MAP3K20: variants seen among roughly 807,000 people sequenced by gnomAD.
MAP3K20 encodes the protein HCCS-4.
A neutral mutation model predicts 85.7 loss-of-function variants in MAP3K20; 40 were observed. That is an observed-to-expected ratio of 0.47 (90% confidence interval 0.36 to 0.61). The LOEUF is 0.61. MAP3K20 is among the 20% of genes least tolerant of loss of function. The pLI is 0.00. For missense variants in MAP3K20, 817 were observed against 961.7 expected, an observed-to-expected ratio of 0.85 and a Z score of 1.99; for synonymous variants, 325 against 327.7, an observed-to-expected ratio of 0.99 and a Z score of 0.09.
At chr2:173,221,532 A>C (rs1684251175) in intron 11 of MAP3K20, 1 of 1,528,378 alleles carries the variant, frequency 6.5e-7, no homozygotes, top group East Asian at 2.3e-5. Context: ...AGTGAATGAA[A>C]GCAGAAAGCA....
chr2:173,126,392 G>A (rs1688444840), intron 2 of MAP3K20, among the ~76,000 whole-genome samples: 1 of 151,686 alleles, frequency 6.6e-6, no homozygotes, highest in Admixed American at 6.6e-5. Flanking sequence ...TTTTGTTTTT[G>A]TTTTTGAGAC....
chr2:173,202,876 G>A (rs187271130), intron 8 of MAP3K20, among the ~76,000 whole-genome samples: 1 of 152,176 alleles, frequency 6.6e-6, no homozygotes, highest in Non-Finnish European at 1.5e-5. Context: ...TTATTTGGTA[G>A]ATGCATTCTG....
At chr2:173,099,514 A>G (rs949838848) in intron 2 of MAP3K20, among the ~76,000 whole-genome samples, 2 of 150,694 alleles carry the variant, frequency 1.3e-5, no homozygotes, top group African/African-American at 4.9e-5. Context: ...TTATTTTCTG[A>G]CAGGATCTCT....
chr2:173,080,637 G>A (rs79609181), intron 1 of MAP3K20, among the ~76,000 whole-genome samples: 1,834 of 152,288 alleles, frequency 0.012, 23 homozygotes, highest in Middle Eastern at 0.024. Flanking sequence ...TTACATTAGC[G>A]ATTAAGTAAT....
At chr2:173,262,605 GA>G (rs199907423) in intron 18 of MAP3K20, among the ~76,000 whole-genome samples, 96 of 140,782 alleles carry the variant, frequency 6.8e-4, no homozygotes, top group African/African-American at 2.3e-3. Context: ...TCTCAAAAAA[GA>G]AAAAAAAAAA....
chr2:173,227,457 G>A (rs1461653509), intron 11 of MAP3K20, among the ~76,000 whole-genome samples: 4 of 152,112 alleles, frequency 2.6e-5, no homozygotes, highest in Admixed American at 1.3e-4. Flanking sequence ...CTTATCCCCC[G>A]TCTTGCCAAA....
intron 7 of MAP3K20, among the ~76,000 whole-genome samples, chr2:173,194,649 T>C (rs77456961): frequency 0.015 from 2,277 of 152,170 alleles, 21 homozygotes; most frequent in Non-Finnish European, 0.024. Context: ...CCTTTGTCAG[T>C]AGGAGCATTT....
At position 173,198,003 on chromosome 2, in the gene MAP3K20, A is replaced by T; in HGVS notation, c.583-23A>T. 1 of 1,598,128 alleles carries T rather than the reference A, an allele frequency of 6.3e-7. No homozygotes were observed. Among genetic ancestry groups the T allele is most frequent in the Non-Finnish European group, 8.5e-7 (1 of 1,170,972 alleles). On this transcript the variant is annotated intron_variant, in intron 7 of 19. Transcript: ENST00000375213. The surrounding 1 kb of genome is among the most constrained non-coding windows in gnomAD (Gnocchi z 5.8). The stretch of plus-strand genomic sequence containing the variant: ...AAAAATATAAAGTACAAAAATAAAA[A>T]TTCCATTTTCTTTTTGTTCCAGGTT...
At chr2:173,252,267 A>G (rs1406524329) in intron 16 of MAP3K20, among the ~76,000 whole-genome samples, 2 of 152,352 alleles carry the variant, frequency 1.3e-5, no homozygotes, top group African/African-American at 4.8e-5. Context: ...ACAAAGAGAT[A>G]CTTAATTTAG....
intron 1 of MAP3K20, among the ~76,000 whole-genome samples, chr2:173,090,352 T>TA (rs1487250038): frequency 6.6e-6 from 1 of 152,216 alleles, no homozygotes; most frequent in Non-Finnish European, 1.5e-5. Flanking sequence ...TTCGATGACT[T>TA]AATATATTGT....
At chr2:173,089,456 T>G (rs1687230990) in intron 1 of MAP3K20, among the ~76,000 whole-genome samples, 1 of 152,208 alleles carries the variant, frequency 6.6e-6, no homozygotes, top group South Asian at 2.1e-4. Flanking sequence ...ATACCATTAT[T>G]TGCCATGGAT....
At chr2:173,191,864 G>C (rs1382117299) in intron 7 of MAP3K20, among the ~76,000 whole-genome samples, 1 of 152,210 alleles carries the variant, frequency 6.6e-6, no homozygotes, top group Admixed American at 6.5e-5. Context: ...GAAGCTCCTG[G>C]AGGAGGAATT....
intron 16 of MAP3K20, among the ~76,000 whole-genome samples, chr2:173,256,508 GATA>G (rs1685164042): frequency 6.6e-6 from 1 of 150,618 alleles, no homozygotes; most frequent in African/African-American, 2.4e-5. Context: ...TAGATAGATA[GATA>G]GATAGATAGA....
intron 2 of MAP3K20, among the ~76,000 whole-genome samples, chr2:173,095,025 A>G (rs1047188230): frequency 2.6e-5 from 4 of 152,238 alleles, no homozygotes; most frequent in African/African-American, 9.6e-5. Context: ...AAGTTCTAGC[A>G]TAAGTGAGTT....
chr2:173,132,411 A>G (rs534385499), intron 2 of MAP3K20, among the ~76,000 whole-genome samples: 1 of 152,194 alleles, frequency 6.6e-6, no homozygotes, highest in Non-Finnish European at 1.5e-5. Context: ...TATCAGCTTT[A>G]AGAGAGGGAA....
intron 11 of MAP3K20, chr2:173,222,346 G>C (rs1684275666): frequency 1.0e-6 from 1 of 985,774 alleles, no homozygotes; most frequent in African/African-American, 1.7e-5. Flanking sequence ...GCTGCTCAAA[G>C]TAAAGCCTGA....
intron 2 of MAP3K20, among the ~76,000 whole-genome samples, chr2:173,138,115 C>T (rs999614619): frequency 2.0e-5 from 3 of 151,950 alleles, no homozygotes; most frequent in African/African-American, 7.3e-5. Context: ...CTACAGGCGC[C>T]CGCCACCCAA....
intron 2 of MAP3K20, among the ~76,000 whole-genome samples, chr2:173,150,427 G>A (rs1689268701): frequency 6.6e-6 from 1 of 152,198 alleles, no homozygotes; most frequent in Admixed American, 6.5e-5. Context: ...TTTGTGGTCA[G>A]TGTCCTACAC....
chr2:173,093,994 T>C, intron 2 of MAP3K20, among the ~76,000 whole-genome samples: 1 of 55,632 alleles, frequency 1.8e-5, no homozygotes, highest in South Asian at 7.0e-4. Context: ...TGTTGTGGGG[T>C]GGGGGGAGGG....
Sources: gnomAD v4.1 joint callset for allele counts (sites outside exome capture counted in the v4.1 genomes callset) on GRCh38, gnomAD v4.1.1 for gene constraint, Gnocchi (gnomAD v3.1) non-coding constraint, MANE v1.5 for transcripts, NCBI Gene and HGNC (gene_info 2026-07-23, HGNC 2026-07-21) for gene names.